Variants in AP2A1 observed in about 807,000 individuals in gnomAD.
The protein encoded by AP2A1 is adaptor related protein complex 2 subunit alpha 1.
A neutral mutation model predicts 107.3 loss-of-function variants in AP2A1; 21 were observed. The observed-to-expected ratio is 0.20, with a 90% CI of 0.14 to 0.28. AP2A1 has a LOEUF of 0.28. Among genes scored for constraint, AP2A1 ranks in the 10% least tolerant of loss-of-function variants. The pLI is 1.00. For missense variants in AP2A1, 873 were observed against 1,307.7 expected (o/e 0.67, Z 5.13); for synonymous variants, 602 against 564.8 (o/e 1.07, Z -0.93).
intron 6 of AP2A1, 134 bp downstream of exon 6, chr19:49,793,226 C>G: frequency 1.1e-6 from 1 of 883,964 alleles, no homozygotes; most frequent in Non-Finnish European, 1.7e-6. Context: ...GAGCTGGATT[C>G]ATCCTGGCTC....
At chr19:49,802,613 TG>T in intron 15 of AP2A1, 2 of 1,250,220 alleles carry the variant, frequency 1.6e-6, no homozygotes. Context: ...AGGGGTGGCC[TG>T]GGGTGGGAGG....
At chr19:49,793,208 C>T in intron 6 of AP2A1, 116 bp downstream of exon 6, 1 of 1,012,296 alleles carries the variant, frequency 9.9e-7, no homozygotes, top group Non-Finnish European at 1.5e-6. Context: ...TTTACAAACT[C>T]AGGCTCTGAG....
chr19:49,787,633 G>A (rs2073090266), intron 4 of AP2A1, among the ~76,000 whole-genome samples: 1 of 151,962 alleles, frequency 6.6e-6, no homozygotes, highest in South Asian at 2.1e-4. Flanking sequence ...ACAGGCGTGA[G>A]CCTCTGCGCC....
intron 1 of AP2A1, among the ~76,000 whole-genome samples, chr19:49,778,052 T>C (rs1462589696): frequency 2.6e-5 from 4 of 152,172 alleles, no homozygotes; most frequent in Admixed American, 6.5e-5. Flanking sequence ...TCTTTAAATT[T>C]AAAGAATATT....
Position 49,798,869 on chromosome 19 carries a change from C to G in AP2A1, c.882C>G (p.Pro294=). The G allele has an allele frequency of 6.3e-7, 1 of 1,593,340 alleles. No homozygotes were observed. Among genetic ancestry groups the G allele is most frequent in the East Asian group, 2.3e-5 (1 of 43,832 alleles). ...LETVLNKAQE[P]PKSKKVQHSN... is the part of the protein sequence containing the mutation. Reference sequence around the variant, plus strand: ...CTGTGCTCAACAAGGCCCAGGAGCCCCCCAAATCCAAGAAGGTGCAGCATT... The same window carrying G: ...CTGTGCTCAACAAGGCCCAGGAGCCGCCCAAATCCAAGAAGGTGCAGCATT... The change falls in exon 8 of 23, where the codon CCC becomes CCG. Residue 294 remains proline, a synonymous_variant. Transcript: ENST00000354293.
At position 49,805,515 on chromosome 19, in the gene AP2A1, G is replaced by A. The variant is rs1440107884; in HGVS notation, c.2407G>A (p.Val803Met). Residue 803 changes from valine (V) to methionine (M), a missense_variant, in exon 19 of 23, where the codon GTG (valine) becomes ATG (methionine). Physicochemically the swap from Val to Met is conservative, Grantham distance 21. Coordinates refer to ENST00000354293, the MANE Select transcript of AP2A1 (RefSeq NM_130787.3). The stretch of plus-strand genomic sequence containing the variant: ...GGACGGCGGCGCGCAGGTGCAGCAG[G>A]TGCTCAATATCGAGTGCCTGCGGGA... The part of the protein sequence containing the change: ...QVDGGAQVQQ[V>M]LNIECLRDFL... The A allele has an allele frequency of 3.8e-6, 6 of 1,567,584 alleles. No homozygotes were observed. Among genetic ancestry groups the A allele is most frequent in the Non-Finnish European group, 4.3e-6 (5 of 1,157,392 alleles).
chr19:49,806,630 TCCCTGGGCTC>T, intron 22 of AP2A1, 41 bp from the exon 23 acceptor site: 3 of 1,610,470 alleles, frequency 1.9e-6, no homozygotes, highest in Non-Finnish European at 2.5e-6. Flanking sequence ...GGTCCCGACT[TCCCTGGGCTC>T]CCCATCTCCT....
chr19:49,792,061 C>T lies in AP2A1; in HGVS notation c.600C>T (p.His200=), dbSNP rs370723855. Residue 200 remains histidine, a synonymous_variant, in exon 5 of 23, where the codon CAC becomes CAT. Transcript: ENST00000354293. ...TGGTACACCTGCTCAATGACCAGCA[C>T]ATGGTGAGCCCCCAGCCCTCACACC... ...ARVVHLLNDQ[H]MGVVTAAVSL... 1.9e-6 allele frequency: 3 copies of T among 1,611,840 alleles called. No homozygotes were observed. Among genetic ancestry groups the T allele is most frequent in the Non-Finnish European group, 2.5e-6 (3 of 1,179,392 alleles).
At position 49,805,776 on chromosome 19, in the gene AP2A1, C is replaced by T. The variant is rs746056839; in HGVS notation, c.2584C>T (p.Leu862Phe). The stretch of plus-strand genomic sequence containing the variant: ...CTTCCAGCGCTGGAAGCAGCTGAGC[C>T]TGTGAGGGGTGGGGAGGGGGCGGAG... ...DFFQRWKQLS[L>F]PQQEAQKIFK... The change falls in exon 20 of 23, where the codon CTC becomes TTC. Residue 862 changes from leucine (L) to phenylalanine (F), a missense_variant and splice_region_variant. By Grantham distance (22) the Leu-to-Phe change is conservative (BLOSUM62 0). This residue lies in a region of AP2A1 where 416 missense variants were observed against 473.4 expected (regional missense o/e 0.88). Transcript: ENST00000354293. 1.7e-5 allele frequency: 23 copies of T among 1,348,762 alleles called. No homozygotes were observed. In the African/African-American group the frequency reaches 2.8e-4, roughly 17 times the overall value. The allele number at this position is 1,348,762 out of a possible 1,614,324, so 83.5% of individuals were successfully genotyped here.
rs372011505 is a variant in AP2A1, at chr19:49,793,063, G to A, written c.676G>A (p.Val226Ile). 2.2e-5 allele frequency: 36 copies of A among 1,609,664 alleles called. 1 individual carries two copies. Among genetic ancestry groups the A allele is most frequent in the Admixed American group, 2.0e-4 (12 of 59,454 alleles). The change falls in exon 6 of 23, where the codon GTC (valine) becomes ATC (isoleucine). Residue 226 changes from valine (V) to isoleucine (I), a missense_variant. Around this residue, in one of 4 missense-constraint regions of AP2A1, gnomAD observed 157 missense variants for 212.6 expected, o/e 0.74. Coordinates refer to ENST00000354293, the MANE Select transcript of AP2A1 (RefSeq NM_130787.3). ...KKNPDDFKTC[V>I]SLAVSRLSRI... ...GAACCCAGATGACTTCAAGACGTGC[G>A]TCTCTCTGGCTGTGTCGCGCCTGAG...
At chr19:49,790,264 T>A (rs1209983162) in intron 4 of AP2A1, among the ~76,000 whole-genome samples, 1 of 152,138 alleles carries the variant, frequency 6.6e-6, no homozygotes, top group Non-Finnish European at 1.5e-5. Context: ...CAGTGTGGCA[T>A]CTTCTCTCCT....
At chr19:49,770,162 C>G (rs531467502) in intron 1 of AP2A1, among the ~76,000 whole-genome samples, 31 of 152,106 alleles carry the variant, frequency 2.0e-4, no homozygotes, top group Non-Finnish European at 4.1e-4. Context: ...AGCCACTGCA[C>G]CCAGCCTGGG....
intron 1 of AP2A1, among the ~76,000 whole-genome samples, chr19:49,779,463 A>G (rs1466476890): frequency 2.3e-5 from 3 of 131,278 alleles, no homozygotes; most frequent in African/African-American, 8.7e-5. Flanking sequence ...CCGAGATTGC[A>G]CCACTGCACT....
intron 1 of AP2A1, among the ~76,000 whole-genome samples, chr19:49,770,488 A>AT: frequency 6.6e-6 from 1 of 152,184 alleles, no homozygotes; most frequent in Non-Finnish European, 1.5e-5. Flanking sequence ...GAGAAGGTGC[A>AT]ACATACAAAT....
At chr19:49,806,572 G>C in intron 22 of AP2A1, 109 bp from the exon 23 acceptor site, 1 of 1,547,142 alleles carries the variant, frequency 6.5e-7, no homozygotes, top group East Asian at 2.3e-5. Context: ...CCTGTGTCTT[G>C]TATCACCTTT....
intron 4 of AP2A1, among the ~76,000 whole-genome samples, chr19:49,791,355 G>A (rs1034769833): frequency 2.6e-5 from 4 of 151,848 alleles, no homozygotes; most frequent in Admixed American, 1.3e-4. Flanking sequence ...TCACCCTCCC[G>A]AGTAGCTGGG....
intron 4 of AP2A1, among the ~76,000 whole-genome samples, chr19:49,784,327 TGAGGCAGGACAG>T (rs2084712407): frequency 6.6e-6 from 1 of 151,952 alleles, no homozygotes; most frequent in African/African-American, 2.4e-5. Flanking sequence ...CTCTGGAGGC[TGAGGCAGGACAG>T]GAGAATCACT....
chr19:49,796,834 C>T (rs1174050593), intron 7 of AP2A1: 1 of 148,628 alleles, frequency 6.7e-6, no homozygotes, highest in East Asian at 2.0e-4. Flanking sequence ...AGTGTAGATA[C>T]CTGTGTGCAT....
chr19:49,806,661 C>G lies in AP2A1; in HGVS notation c.2791-20C>G, dbSNP rs774719819. On this transcript the variant is annotated intron_variant, in intron 22 of 22. Coordinates refer to ENST00000354293, the MANE Select transcript of AP2A1 (RefSeq NM_130787.3). ...GGCTCCCCATCTCCTCTGAGTTCTG[C>G]CCCCAATGCCCCCACCCAGATGTAC... The G allele has an allele frequency of 1.9e-6, 3 of 1,611,880 alleles. No homozygotes were observed. In the Admixed American group the frequency reaches 5.0e-5, roughly 27 times the overall value.
Sources: allele counts gnomAD v4.1 joint callset (sites outside exome capture counted in the v4.1 genomes callset), GRCh38; gene constraint gnomAD v4.1.1; regional missense constraint gnomAD v4.1.1; transcripts MANE v1.5; gene names NCBI Gene and HGNC (gene_info 2026-07-23, HGNC 2026-07-21).